The following RBM28 variants were observed in gnomAD, a reference collection of about 807,000 sequenced individuals.
The protein encoded by RBM28 is RNA binding motif protein 28.
A neutral mutation model predicts 98.3 loss-of-function variants in RBM28; 78 were observed. The observed-to-expected ratio is 0.79, with a 90% CI of 0.66 to 0.96. The LOEUF (loss-of-function observed/expected upper bound fraction) is 0.96. Among genes scored for constraint, RBM28 ranks in the 40% least tolerant of loss-of-function variants. The pLI, the probability that RBM28 is intolerant of heterozygous loss-of-function variation, is 0.00. For missense variants in RBM28, 838 were observed against 913.0 expected, an observed-to-expected ratio of 0.92 and a Z score of 1.06; for synonymous variants, 306 against 330.9, an observed-to-expected ratio of 0.92 and a Z score of 0.82.
chr7:128,313,037 T>C, intron 18 of RBM28, 138 bp downstream of exon 18: 1 of 858,498 alleles, frequency 1.2e-6, no homozygotes, highest in Non-Finnish European at 1.9e-6. Context: ...ATTGTATAGC[T>C]CAACATTCTC....
intron 3 of RBM28, 120 bp downstream of exon 3, chr7:128,339,107 G>A (rs1413232495): frequency 1.0e-6 from 1 of 963,680 alleles, no homozygotes; most frequent in African/African-American, 1.6e-5. Context: ...CAGGGGTAAG[G>A]TTGATTCCCA....
chr7:128,334,334 C>A (rs1443270665), intron 8 of RBM28, among the ~76,000 whole-genome samples: 1 of 152,164 alleles, frequency 6.6e-6, no homozygotes, highest in African/African-American at 2.4e-5. Flanking sequence ...TTATCATTAT[C>A]ATTTATCTGT....
At chr7:128,335,440 T>A in intron 8 of RBM28, 103 bp downstream of exon 8, 1 of 1,381,260 alleles carries the variant, frequency 7.2e-7, no homozygotes, top group Non-Finnish European at 1.0e-6. Context: ...TAGAACACCT[T>A]AGAGTCCTAT....
intron 8 of RBM28, among the ~76,000 whole-genome samples, chr7:128,334,789 C>T (rs778873490): frequency 3.3e-5 from 5 of 152,254 alleles, no homozygotes; most frequent in Non-Finnish European, 5.9e-5. Flanking sequence ...TATTTGGAGA[C>T]AGAGACTTTA....
rs1246035443 is a variant in RBM28 at position 128,298,063 on chromosome 7, C to G, written c.*12734G>C. 7.6e-6 allele frequency: 1 copy of G among 131,058 alleles called. No homozygotes were observed. The highest frequency in any genetic ancestry group is 1.7e-5 in the Non-Finnish European group (1 of 59,528). The allele number at this position is 131,058 out of a possible 1,614,324, so 8.1% of individuals were successfully genotyped here. On this transcript the variant is annotated 3_prime_UTR_variant, in exon 19 of 19. Transcript: ENST00000223073. ...GATGACGAGTTAGTGGGTGCAGCGA[C>G]CAGCATGTCACATGTATACATATGT...
chr7:128,339,450 G>C, intron 2 of RBM28, 129 bp from the exon 3 acceptor site: 1 of 1,126,342 alleles, frequency 8.9e-7, no homozygotes, highest in Non-Finnish European at 1.3e-6. Flanking sequence ...ATAATACCAA[G>C]GAATACCAGA....
chr7:128,310,436 A>G lies in RBM28; in HGVS notation c.*361T>C. On this transcript the variant is annotated 3_prime_UTR_variant, in exon 19 of 19. Transcript: ENST00000223073. ...CCACACAATATCTCATTTAGAGAAT[A>G]TGCTTAACAAAATATACATCTTAAA... 1 of 319,710 alleles carries G rather than the reference A, an allele frequency of 3.1e-6. No homozygotes were observed. Among genetic ancestry groups the G allele is most frequent in the Non-Finnish European group, 6.0e-6 (1 of 167,544 alleles). The allele number at this position is 319,710 out of a possible 1,614,324, so 19.8% of individuals were successfully genotyped here.
At chr7:128,333,083 A>C (rs1262528721) in intron 9 of RBM28, among the ~76,000 whole-genome samples, 5 of 152,144 alleles carry the variant, frequency 3.3e-5, no homozygotes, top group African/African-American at 1.2e-4. Context: ...TCTAAATGAA[A>C]ACGTGATGTC....
chr7:128,315,033 A>C lies in RBM28; in HGVS notation c.1789-13T>G. The stretch of plus-strand genomic sequence containing the variant: ...ATCTCATTTTTTGCTGCATAAAACA[A>C]GAAAATGCCATCTGGTTTCTGGATG... On this transcript the variant is annotated splice_polypyrimidine_tract_variant and intron_variant, in intron 16 of 18. Transcript: ENST00000223073. 6.2e-7 allele frequency: 1 copy of C among 1,614,242 alleles called. No homozygotes were observed. Among genetic ancestry groups the C allele is most frequent in the Non-Finnish European group, 8.5e-7 (1 of 1,180,048 alleles).
At position 128,335,589 on chromosome 7, in the gene RBM28, C is replaced by G; in HGVS notation, c.900G>C (p.Glu300Asp). 6.2e-7 allele frequency: 1 copy of G among 1,614,178 alleles called. No homozygotes were observed. Among genetic ancestry groups the G allele is most frequent in the Non-Finnish European group, 8.5e-7 (1 of 1,180,026 alleles). Residue 300 changes from glutamate to aspartate, a missense_variant, in exon 8 of 19, where the codon GAG becomes GAC. Glu to Asp is a conservative substitution (Grantham distance 45, BLOSUM62 2). Transcript: ENST00000223073. ...TGCTGGTATCACTCTGAGCCAGTTC[C>G]TCTCCATCATCAATACTATCGCTTT... ...LEESDSIDDGEELAQSDTSTE... is the reference protein window; with the variant it reads ...LEESDSIDDGDELAQSDTSTE...
chr7:128,320,655 T>C (rs1485447646), intron 14 of RBM28, among the ~76,000 whole-genome samples: 4 of 152,224 alleles, frequency 2.6e-5, no homozygotes, highest in African/African-American at 4.8e-5. Flanking sequence ...AAGCAGATTA[T>C]TTTCTCTGCA....
At chr7:128,312,762 T>C (rs897992974) in intron 18 of RBM28, among the ~76,000 whole-genome samples, 2 of 152,190 alleles carry the variant, frequency 1.3e-5, no homozygotes, top group African/African-American at 4.8e-5. Context: ...TAGTAGATGA[T>C]AAAGGGCTTA....
chr7:128,313,895 G>A (rs1796045064), intron 17 of RBM28, among the ~76,000 whole-genome samples: 1 of 152,122 alleles, frequency 6.6e-6, no homozygotes, highest in African/African-American at 2.4e-5. Flanking sequence ...GGCCTCCCTA[G>A]AAGATGAGCA....
chr7:128,324,901 T>C (rs1796314215), intron 11 of RBM28, among the ~76,000 whole-genome samples: 1 of 151,884 alleles, frequency 6.6e-6, no homozygotes, highest in South Asian at 2.1e-4. Flanking sequence ...GTAATCCTAC[T>C]CAGGAGGCTG....
At chr7:128,313,378 C>G in intron 17 of RBM28, 104 bp from the exon 18 acceptor site, 1 of 1,158,090 alleles carries the variant, frequency 8.6e-7, no homozygotes, top group Non-Finnish European at 1.3e-6. Flanking sequence ...TAAGTGAAGT[C>G]ATTCTAAAAA....
chr7:128,301,670 G>A lies in RBM28; in HGVS notation c.*9127C>T, dbSNP rs981630356. 5 of 152,404 alleles carry A rather than the reference G, an allele frequency of 3.3e-5. No individual in the cohort carries two copies. The highest frequency in any genetic ancestry group is 1.2e-4 in the African/African-American group (5 of 41,452). 9.4% of individuals were successfully genotyped at this position (152,404 alleles called of 1,614,324 possible). A position where few individuals can be genotyped will look rare whatever the true frequency, so the allele number is the denominator to read the frequency against. On this transcript the variant is annotated 3_prime_UTR_variant, in exon 19 of 19. Transcript: ENST00000223073. ...AGCTATTGCCTAAGGGTCACTGAGG[G>A]CCTCAAACCCCAGAGGCTCTGTGGC...
Position 128,343,755 on chromosome 7 carries a change from GGGC to G in RBM28, c.36_38del (p.Pro13del). On this transcript the variant is annotated inframe_deletion, in exon 1 of 19. Transcript: ENST00000223073. ...CCTCCAGCTGCTCACTGCGGGCCGA[GGGC>G]GGGAGGCGGCCCACAAATAAGGTCA... is the stretch of plus-strand genomic sequence containing the variant. 1 of 1,610,276 alleles carries G rather than the reference GGGC, an allele frequency of 6.2e-7. No homozygotes were observed. Among genetic ancestry groups the G allele is most frequent in the South Asian group, 1.1e-5 (1 of 90,590 alleles).
At position 128,310,376 on chromosome 7, in the gene RBM28, T is replaced by G; in HGVS notation, c.*421A>C. Reference sequence around the variant, plus strand: ...AGAATGTTCATACATAATAAAGGAGTCACACATATTAGAAATGACGTTGTT... The same window carrying G: ...AGAATGTTCATACATAATAAAGGAGGCACACATATTAGAAATGACGTTGTT... On this transcript the variant is annotated 3_prime_UTR_variant, in exon 19 of 19. Coordinates refer to ENST00000223073, the MANE Select transcript of RBM28 (RefSeq NM_018077.3). The G allele has an allele frequency of 3.8e-6, 1 of 263,722 alleles. No individual in the cohort carries two copies. The highest frequency in any genetic ancestry group is 4.4e-5 in the South Asian group (1 of 22,724). The allele number at this position is 263,722 out of a possible 1,614,324, so 16.3% of individuals were successfully genotyped here.
At chr7:128,323,975 A>G (rs993971630) in intron 12 of RBM28, among the ~76,000 whole-genome samples, 1 of 152,162 alleles carries the variant, frequency 6.6e-6, no homozygotes, top group Non-Finnish European at 1.5e-5. Context: ...GCTGTTCCTT[A>G]TATACTTGAG....
Sources: allele counts gnomAD v4.1 joint callset (sites outside exome capture counted in the v4.1 genomes callset), GRCh38; gene constraint gnomAD v4.1.1; transcripts MANE v1.5; gene names NCBI Gene and HGNC (gene_info 2026-07-23, HGNC 2026-07-21).